ABI3BP: variants seen among roughly 807,000 people sequenced by gnomAD.
ABI3BP encodes ABI family member 3 binding protein, also known as target of Nesh-SH3.
A neutral mutation model predicts 268.6 loss-of-function variants in ABI3BP; 216 were observed. The observed-to-expected ratio is 0.80, with a 90% confidence interval of 0.72 to 0.90. The LOEUF (loss-of-function observed/expected upper bound fraction) is 0.90, where lower values mean the gene tolerates loss of function less well. Among genes scored for constraint, ABI3BP ranks in the 40% least tolerant of loss-of-function variants. The pLI, the probability that ABI3BP is intolerant of heterozygous loss-of-function variation, is 0.00. For missense variants in ABI3BP, 2,090 were observed against 2,182.4 expected (o/e 0.96, Z 0.84); for synonymous variants, 730 against 730.0 (o/e 1.00, Z 0.00).
rs534480748 is a variant in ABI3BP, at chr3:100,843,785, A to G, written c.1724-1746T>C. ...CATTCATACCTGAAGATAGCAAACA[A>G]AAAATTATTTTGAAACTTCAAGATT... On this transcript the variant is annotated intron_variant, in intron 20 of 67. Coordinates refer to ENST00000471714, the MANE Select transcript of ABI3BP (RefSeq NM_001375547.2). 8 of 984,564 alleles carry G rather than the reference A, an allele frequency of 8.1e-6. No individual in the cohort carries two copies. The East Asian group carries it at 3.4e-4, about 42-fold the overall frequency. The allele number at this position is 984,564 out of a possible 1,614,324, so 61.0% of individuals were successfully genotyped here.
At chr3:100,993,042 A>C (rs1166979491) in intron 1 of ABI3BP, among the ~76,000 whole-genome samples, 2 of 152,250 alleles carry the variant, frequency 1.3e-5, no homozygotes, top group East Asian at 3.8e-4. Context: ...TATAGTTAGA[A>C]AGTATACAGT....
intron 2 of ABI3BP, among the ~76,000 whole-genome samples, chr3:100,915,854 G>A (rs1018060361): frequency 2.0e-5 from 3 of 152,152 alleles, no homozygotes; most frequent in Admixed American, 6.5e-5. Flanking sequence ...GCATAGAGTT[G>A]GGAGCATCTC....
intron 1 of ABI3BP, among the ~76,000 whole-genome samples, chr3:100,944,484 A>G (rs1479074375): frequency 1.3e-5 from 2 of 152,198 alleles, no homozygotes; most frequent in Non-Finnish European, 2.9e-5. Context: ...CTGCATGTAC[A>G]AGATTACATA....
intron 62 of ABI3BP, among the ~76,000 whole-genome samples, chr3:100,766,157 T>C (rs756612316): frequency 2.0e-5 from 3 of 152,214 alleles, no homozygotes; most frequent in Non-Finnish European, 4.4e-5. Flanking sequence ...GATTTGTTCA[T>C]TGACTATTTC....
intron 45 of ABI3BP, among the ~76,000 whole-genome samples, chr3:100,813,087 C>T (rs541356899): frequency 6.6e-6 from 1 of 152,198 alleles, no homozygotes; most frequent in African/African-American, 2.4e-5. Context: ...TGCCATGTTG[C>T]CAAGGCTGGT....
At chr3:100,991,217 AT>A (rs1237527593) in intron 1 of ABI3BP, among the ~76,000 whole-genome samples, 1 of 152,226 alleles carries the variant, frequency 6.6e-6, no homozygotes. Context: ...TAGCTCCAGA[AT>A]TCTAACCACT....
chr3:100,808,040 G>T, intron 50 of ABI3BP, 121 bp downstream of exon 50: 1 of 848,884 alleles, frequency 1.2e-6, no homozygotes, highest in Non-Finnish European at 1.9e-6. Context: ...GGTTACAGAG[G>T]AAGACTTGTT....
chr3:100,825,839 C>A lies in ABI3BP; in HGVS notation c.2608G>T (p.Val870Phe). 1 of 1,534,436 alleles carries A rather than the reference C, an allele frequency of 6.5e-7. No individual in the cohort carries two copies. The highest frequency in any genetic ancestry group is 8.7e-7 in the Non-Finnish European group (1 of 1,145,480). Reference sequence around the variant, plus strand: ...AAAGTAACAGGCTCGAGGTCTGTAACAGGAACTGAAGTAATAAGATAAACA... The same window carrying A: ...AAAGTAACAGGCTCGAGGTCTGTAAAAGGAACTGAAGTAATAAGATAAACA... ...KEAPGTTFVP[V>F]TDLEPVTFRT... The change falls in exon 35 of 68, where the codon GTT becomes TTT. Residue 870 changes from valine (V) to phenylalanine (F), a missense_variant. Physicochemically the swap from Val to Phe is conservative, Grantham distance 50. Coordinates refer to ENST00000471714, the MANE Select transcript of ABI3BP (RefSeq NM_001375547.2).
chr3:100,833,114 A>G lies in ABI3BP; in HGVS notation c.2314+11T>C. ...AAAAAGGACTTGCTGAAGGACATAG[A>G]GAGTCATTACCTGAAGATGTCCCAG... On this transcript the variant is annotated intron_variant, in intron 30 of 67. Coordinates refer to ENST00000471714, the MANE Select transcript of ABI3BP (RefSeq NM_001375547.2). The G allele has an allele frequency of 6.5e-7, 1 of 1,533,954 alleles. No homozygotes were observed. The highest frequency in any genetic ancestry group is 8.7e-7 in the Non-Finnish European group (1 of 1,145,332).
At chr3:100,824,969 T>C (rs1429819218) in intron 35 of ABI3BP, 28 bp from the exon 36 acceptor site, 7 of 1,523,242 alleles carry the variant, frequency 4.6e-6, no homozygotes, top group South Asian at 1.2e-5. Flanking sequence ...CTTGTGTTAC[T>C]CTAGGTCTTA....
At chr3:100,897,082 G>A (rs1240360232) in intron 4 of ABI3BP, among the ~76,000 whole-genome samples, 1 of 67,334 alleles carries the variant, frequency 1.5e-5, no homozygotes, top group South Asian at 9.4e-4. Flanking sequence ...CATAAACATG[G>A]CCAAAAAGCA....
At chr3:100,905,298 T>C (rs1039974071) in intron 2 of ABI3BP, among the ~76,000 whole-genome samples, 4 of 152,102 alleles carry the variant, frequency 2.6e-5, no homozygotes, top group African/African-American at 7.2e-5. Flanking sequence ...CATTCGGAGA[T>C]ATACCTAATG....
chr3:100,829,509 A>G, intron 33 of ABI3BP, 72 bp downstream of exon 33: 2 of 1,378,236 alleles, frequency 1.5e-6, no homozygotes, highest in Non-Finnish European at 1.0e-6. Context: ...GACCATGCCC[A>G]GCTACTTCAT....
chr3:100,985,741 A>T (rs770893340), intron 1 of ABI3BP, among the ~76,000 whole-genome samples: 4 of 152,206 alleles, frequency 2.6e-5, no homozygotes, highest in Non-Finnish European at 4.4e-5. Flanking sequence ...TAAGATATTT[A>T]TCTCAATTCT....
intron 1 of ABI3BP, among the ~76,000 whole-genome samples, chr3:100,943,586 T>C (rs997727827): frequency 2.6e-5 from 4 of 152,084 alleles, no homozygotes; most frequent in Admixed American, 2.0e-4. Context: ...CCAGGGACTA[T>C]TGTTCTTAAT....
intron 63 of ABI3BP, among the ~76,000 whole-genome samples, chr3:100,758,413 CAT>C (rs2149443022): frequency 6.6e-6 from 1 of 151,994 alleles, no homozygotes; most frequent in Admixed American, 6.6e-5. Context: ...TCACTAGTAT[CAT>C]ATTTGTATCT....
At chr3:100,812,372 A>G in intron 46 of ABI3BP, 95 bp downstream of exon 46, 1 of 813,504 alleles carries the variant, frequency 1.2e-6, no homozygotes, top group Non-Finnish European at 1.7e-6. Context: ...GCAAGTGGCT[A>G]TGAAATGTCA....
At chr3:100,797,506 G>A (rs1171892317) in intron 51 of ABI3BP, among the ~76,000 whole-genome samples, 1 of 149,252 alleles carries the variant, frequency 6.7e-6, no homozygotes, top group African/African-American at 2.5e-5. Context: ...TATAATGCTG[G>A]AAAAAAAATT....
intron 1 of ABI3BP, among the ~76,000 whole-genome samples, chr3:100,942,212 T>C (rs2069647280): frequency 6.6e-6 from 1 of 152,086 alleles, no homozygotes; most frequent in Admixed American, 6.6e-5. Context: ...GATGAATAAG[T>C]CAGTTGTTTC....
Sources: allele counts gnomAD v4.1 joint callset (sites outside exome capture counted in the v4.1 genomes callset), GRCh38; gene constraint gnomAD v4.1.1; transcripts MANE v1.5; gene names NCBI Gene and HGNC (gene_info 2026-07-23, HGNC 2026-07-21).